VPS13B: variants seen among roughly 807,000 people sequenced by gnomAD.
VPS13B encodes the protein intermembrane lipid transfer protein VPS13B.
VPS13B carries 285 observed loss-of-function variants against 426.4 expected under a neutral mutation model. The ratio of observed to expected loss-of-function variants is 0.67; its 90% CI spans 0.61 to 0.74. The LOEUF (loss-of-function observed/expected upper bound fraction) is 0.74, where lower values mean the gene tolerates loss of function less well. VPS13B is among the 30% of genes least tolerant of loss of function. The probability of loss-of-function intolerance (pLI) is 0.00; values close to 1 mark genes in which losing one functional copy is unlikely to be tolerated. For missense variants in VPS13B, 4,537 were observed against 4,782.6 expected, an observed-to-expected ratio of 0.95 and a Z score of 1.51; for synonymous variants, 1,676 against 1,676.4, an observed-to-expected ratio of 1.00 and a Z score of 0.01.
intron 3 of VPS13B, among the ~76,000 whole-genome samples, chr8:99,077,520 G>A (rs1845199367): frequency 1.3e-5 from 2 of 151,852 alleles, no homozygotes; most frequent in Non-Finnish European, 2.9e-5. Context: ...TTCTTGGTGG[G>A]CAGTTTTTTT....
chr8:99,257,793 CT>C (rs879425028), intron 17 of VPS13B, among the ~76,000 whole-genome samples: 315 of 142,210 alleles, frequency 2.2e-3, no homozygotes, highest in Middle Eastern at 3.7e-3. Flanking sequence ...CTAATGCTGA[CT>C]TTTTTTTTTT....
At chr8:99,780,279 A>C (rs1436356679) in intron 42 of VPS13B, among the ~76,000 whole-genome samples, 1 of 152,194 alleles carries the variant, frequency 6.6e-6, no homozygotes, top group African/African-American at 2.4e-5. Context: ...TTAATAAAAA[A>C]CAAACCTAGA....
Position 99,429,023 on chromosome 8 carries a change from C to T in VPS13B, c.3083-2514C>T, listed in dbSNP as rs182755756. ...GAAACCATCATTCTCAGCAAACTAACGCAAGGACAAAAAACCAAACACAGC... is the reference window on the plus strand; with the variant it reads ...GAAACCATCATTCTCAGCAAACTAATGCAAGGACAAAAAACCAAACACAGC... On this transcript the variant is annotated intron_variant, in intron 21 of 61. Transcript: ENST00000357162. Among the ~76,000 whole-genome samples, 987 of 152,158 alleles carry T rather than the reference C, an allele frequency of 6.5e-3. 8 individuals are homozygous for T. The highest frequency in any genetic ancestry group is 0.022 in the African/African-American group (906 of 41,532).
intron 54 of VPS13B, among the ~76,000 whole-genome samples, chr8:99,845,114 C>G (rs563867813): frequency 1.3e-5 from 2 of 152,330 alleles, no homozygotes; most frequent in African/African-American, 4.8e-5. Context: ...TTTCTACTGT[C>G]TGACCATTAA....
At chr8:99,846,311 T>A (rs962260793) in intron 54 of VPS13B, among the ~76,000 whole-genome samples, 4 of 152,230 alleles carry the variant, frequency 2.6e-5, no homozygotes, top group Admixed American at 2.6e-4. Flanking sequence ...TTTGTGTACT[T>A]GGCTTTTTCG....
rs183554472 is a variant in VPS13B, at chr8:99,199,194, T to C, written c.2515+6137T>C. The stretch of plus-strand genomic sequence containing the variant: ...CCATTATTATTATCATTATATATAT[T>C]TTTTTGAGATGGAGTCTCGCTCTGT... On this transcript the variant is annotated intron_variant, in intron 17 of 61. Coordinates refer to ENST00000357162, the MANE Select transcript of VPS13B (RefSeq NM_152564.5). 4.3e-3 allele frequency among the ~76,000 whole-genome samples: 654 copies of C among 152,242 alleles called. 3 individuals are homozygous for C. The highest frequency in any genetic ancestry group is 0.015 in the African/African-American group (624 of 41,530).
chr8:99,265,034 G>C (rs768221735), intron 17 of VPS13B, among the ~76,000 whole-genome samples: 1 of 151,764 alleles, frequency 6.6e-6, no homozygotes, highest in Non-Finnish European at 1.5e-5. Flanking sequence ...GCTTGTTTTT[G>C]TTGTTTGAAT....
rs757444418 is a variant in VPS13B, at chr8:99,556,665, T to C, written c.4949+12T>C. 5.6e-6 allele frequency: 9 copies of C among 1,611,224 alleles called. No individual in the cohort carries two copies. Among genetic ancestry groups the C allele is most frequent in the African/African-American group, 5.3e-5 (4 of 74,856 alleles). Reference sequence around the variant, plus strand: ...AATATGGCCAGCAGGTAGGAAATGATTGAGAAACTTTCTACTCTTTCTAAT... The same window carrying C: ...AATATGGCCAGCAGGTAGGAAATGACTGAGAAACTTTCTACTCTTTCTAAT... On this transcript the variant is annotated intron_variant, in intron 31 of 61. Coordinates refer to ENST00000357162, the MANE Select transcript of VPS13B (RefSeq NM_152564.5).
chr8:99,669,600 T>C (rs1050820556), intron 35 of VPS13B, among the ~76,000 whole-genome samples: 1 of 152,148 alleles, frequency 6.6e-6, no homozygotes, highest in Admixed American at 6.6e-5. Context: ...TTTCTTTTAG[T>C]GTAGTATATA....
At chr8:99,349,728 G>T (rs1811768558) in intron 19 of VPS13B, among the ~76,000 whole-genome samples, 1 of 152,184 alleles carries the variant, frequency 6.6e-6, no homozygotes, top group Non-Finnish European at 1.5e-5. Context: ...AAAAGTCTTC[G>T]AGAATATGCA....
At chr8:99,463,148 A>G (rs1017483927) in intron 23 of VPS13B, among the ~76,000 whole-genome samples, 5 of 152,224 alleles carry the variant, frequency 3.3e-5, no homozygotes, top group African/African-American at 1.2e-4. Flanking sequence ...CTATAGGGTA[A>G]CTACTAATAC....
At chr8:99,675,843 T>G (rs563111753) in intron 35 of VPS13B, among the ~76,000 whole-genome samples, 2 of 152,210 alleles carry the variant, frequency 1.3e-5, no homozygotes, top group South Asian at 4.1e-4. Flanking sequence ...ATTTATTGTT[T>G]TTCTTATGTT....
chr8:99,064,812 T>G (rs1046831030), intron 3 of VPS13B, among the ~76,000 whole-genome samples: 1 of 152,160 alleles, frequency 6.6e-6, no homozygotes, highest in African/African-American at 2.4e-5. Context: ...ATTGTCAGAT[T>G]CACCAAGGTT....
At chr8:99,213,966 T>C (rs1224728278) in intron 17 of VPS13B, among the ~76,000 whole-genome samples, 1 of 152,152 alleles carries the variant, frequency 6.6e-6, no homozygotes, top group Non-Finnish European at 1.5e-5. Context: ...TACTCCCCCA[T>C]AAGTATTACC....
At chr8:99,744,173 C>A (rs1809937335) in intron 39 of VPS13B, among the ~76,000 whole-genome samples, 1 of 152,172 alleles carries the variant, frequency 6.6e-6, no homozygotes, top group Non-Finnish European at 1.5e-5. Context: ...TGAACAGACG[C>A]TTCTCGAAAG....
rs762539148 is a variant in VPS13B at position 99,699,636 on chromosome 8, A to G, written c.6158A>G (p.His2053Arg). The G allele has an allele frequency of 6.2e-7, 1 of 1,614,190 alleles. No homozygotes were observed. The highest frequency in any genetic ancestry group is 8.5e-7 in the Non-Finnish European group (1 of 1,180,032). Residue 2053 changes from histidine to arginine, a missense_variant, in exon 36 of 62, where the codon CAT becomes CGT. Coordinates refer to ENST00000357162, the MANE Select transcript of VPS13B (RefSeq NM_152564.5). ...KKIKNAHSLA[H>R]SEETSAMSNT... ...ATAAAAAATGCACACAGTTTGGCAC[A>G]TAGTGAAGAGACTTCAGCCATGTCC...
intron 35 of VPS13B, chr8:99,696,912 C>T: frequency 1.3e-6 from 1 of 741,040 alleles, no homozygotes; most frequent in South Asian, 1.4e-5. Context: ...TGTGACTGCG[C>T]TCCATAAAGG....
intron 17 of VPS13B, among the ~76,000 whole-genome samples, chr8:99,236,601 A>T (rs1254314778): frequency 6.6e-6 from 1 of 152,178 alleles, no homozygotes; most frequent in Non-Finnish European, 1.5e-5. Context: ...ATGACTTTAA[A>T]GTTTGAAACT....
At chr8:99,655,995 A>G (rs1408522478) in intron 34 of VPS13B, among the ~76,000 whole-genome samples, 1 of 152,178 alleles carries the variant, frequency 6.6e-6, no homozygotes, top group Non-Finnish European at 1.5e-5. Context: ...TACAAACAAA[A>G]CGAATGCAGT....
Sources: gnomAD v4.1 joint callset for allele counts (sites outside exome capture counted in the v4.1 genomes callset) on GRCh38, gnomAD v4.1.1 for gene constraint, MANE v1.5 for transcripts, NCBI Gene and HGNC (gene_info 2026-07-23, HGNC 2026-07-21) for gene names.